The following DFFB variants were observed in gnomAD, a reference collection of about 807,000 sequenced individuals.
DFFB encodes DNA fragmentation factor subunit beta.
A neutral mutation model predicts 32.7 loss-of-function variants in DFFB; 29 were observed. The observed-to-expected ratio is 0.89, with a 90% confidence interval of 0.66 to 1.21. The LOEUF (loss-of-function observed/expected upper bound fraction) is 1.21, where lower values mean the gene tolerates loss of function less well. Among genes scored for constraint, DFFB ranks in the 50% most tolerant of loss-of-function variants. The pLI is 0.00. For synonymous variants in DFFB, 170 were observed against 177.1 expected (o/e 0.96, Z 0.32); for missense variants, 398 against 440.6 (o/e 0.90, Z 0.87).
Position 3,883,495 on chromosome 1 carries a change from C to T in DFFB, c.783-12C>T, listed in dbSNP as rs1638235661. The stretch of plus-strand genomic sequence containing the variant: ...GACCACAGAAAATGATGTCTCTAAC[C>T]TTACTTTGCAGAATAGAAAAGAAAC... On this transcript the variant is annotated splice_polypyrimidine_tract_variant and intron_variant, in intron 6 of 6. Transcript: ENST00000378209. The T allele has an allele frequency of 6.2e-7, 1 of 1,612,442 alleles. No individual in the cohort carries two copies. Among genetic ancestry groups the T allele is most frequent in the Non-Finnish European group, 8.5e-7 (1 of 1,179,144 alleles).
Position 3,858,751 on chromosome 1 carries a change from G to T in DFFB, c.148G>T (p.Glu50Ter), listed in dbSNP as rs1254016494. ...GCGCGGTTCCCGGCTGTGCCTGTAC[G>T]AGGATGGCACGGAGCTGACGGAAGA... is the stretch of plus-strand genomic sequence containing the variant. Reference protein sequence around the residue: ...PERGSRLCLYEDGTELTEDYF... With the variant: ...PERGSRLCLY Residue 50 changes from glutamate to a stop codon, truncating the protein, a stop_gained, in exon 2 of 7, where the codon GAG becomes TAG. Transcript: ENST00000378209. LOFTEE classifies it high-confidence loss of function. The T allele has an allele frequency of 6.2e-7, 1 of 1,614,178 alleles. No homozygotes were observed. Among genetic ancestry groups the T allele is most frequent in the Non-Finnish European group, 8.5e-7 (1 of 1,180,050 alleles).
In DFFB at chr1:3,857,704, G is replaced by A. The variant is rs746282047; in HGVS notation, c.101G>A (p.Cys34Tyr). ...RSCQEVLRKG[C>Y]LRFQLPERGS... is the part of the protein sequence containing the mutation. ...TGCCAGGAGGTGCTGCGCAAGGGCT[G>A]TCTCCGCTTCCAGGTGCCCGCTGGG... The change falls in exon 1 of 7, where the codon TGT (cysteine) becomes TAT (tyrosine). Residue 34 changes from cysteine (C) to tyrosine (Y), a missense_variant. Coordinates refer to ENST00000378209, the MANE Select transcript of DFFB (RefSeq NM_004402.4). The A allele has an allele frequency of 6.5e-7, 1 of 1,548,450 alleles. No homozygotes were observed. The highest frequency in any genetic ancestry group is 2.0e-5 in the Admixed American group (1 of 51,164).
chr1:3,883,738 G>A lies in DFFB; in HGVS notation c.1014G>A (p.Gln338=). Reference sequence around the variant, plus strand: ...GGAAGCAGCCTGTGCGGAAACGCCAGTGACACGTACACACCACGTCCTGGT... The same window carrying A: ...GGAAGCAGCCTGTGCGGAAACGCCAATGACACGTACACACCACGTCCTGGT... ...LKRKQPVRKR[Q] is the part of the protein sequence containing the mutation. The change falls in exon 7 of 7, where the codon CAG becomes CAA. Residue 338 remains glutamine, a synonymous_variant. Transcript: ENST00000378209. 1 of 1,613,826 alleles carries A rather than the reference G, an allele frequency of 6.2e-7. No individual in the cohort carries two copies. Among genetic ancestry groups the A allele is most frequent in the Non-Finnish European group, 8.5e-7 (1 of 1,179,772 alleles).
At chr1:3,867,870 A>G (rs905281988) in intron 3 of DFFB, 104 bp from the exon 4 acceptor site, 16 of 946,178 alleles carry the variant, frequency 1.7e-5, no homozygotes, top group African/African-American at 3.2e-5. Flanking sequence ...AAGCAGTATG[A>G]CCCTCATATT....
In DFFB at chr1:3,884,008, C is replaced by T. The variant is rs140704651; in HGVS notation, c.*267C>T. Reference sequence around the variant, plus strand: ...GTGGCGCGATCTCGGCTCAGCCTCCCGAGTAGCTGGGATTACAGGCATGTG... The same window carrying T: ...GTGGCGCGATCTCGGCTCAGCCTCCTGAGTAGCTGGGATTACAGGCATGTG... On this transcript the variant is annotated 3_prime_UTR_variant, in exon 7 of 7. Transcript: ENST00000378209. 2.0e-3 allele frequency: 860 copies of T among 424,890 alleles called. 3 individuals carry two copies. The highest frequency in any genetic ancestry group is 0.016 in the African/African-American group (797 of 50,184). 26.3% of individuals were successfully genotyped at this position (424,890 alleles called of 1,614,324 possible).
At position 3,869,614 on chromosome 1, in the gene DFFB, T is replaced by C. The variant is rs1645069251; in HGVS notation, c.520T>C (p.Tyr174His). 1.2e-6 allele frequency: 2 copies of C among 1,610,620 alleles called. No homozygotes were observed. The highest frequency in any genetic ancestry group is 1.3e-5 in the African/African-American group (1 of 74,818). ...IRSYLREVSS[Y>H]PSTVGAEAQE... ...TCCTTGGTTCCTCCAGGTGAGCTCC[T>C]ACCCCTCCACGGTGGGTGCGGAGGC... Residue 174 changes from tyrosine to histidine, a missense_variant, in exon 5 of 7, where the codon TAC becomes CAC. Transcript: ENST00000378209.
In DFFB at chr1:3,857,705, T is replaced by C. The variant is rs1467477485; in HGVS notation, c.102T>C (p.Cys34=). 1 of 1,547,164 alleles carries C rather than the reference T, an allele frequency of 6.5e-7. No homozygotes were observed. ...RSCQEVLRKG[C]LRFQLPERGS... ...GCCAGGAGGTGCTGCGCAAGGGCTG[T>C]CTCCGCTTCCAGGTGCCCGCTGGGC... is the stretch of plus-strand genomic sequence containing the variant. Residue 34 remains cysteine, a synonymous_variant, in exon 1 of 7, where the codon TGT becomes TGC. Coordinates refer to ENST00000378209, the MANE Select transcript of DFFB (RefSeq NM_004402.4).
At chr1:3,859,363 C>T (rs1407244587) in intron 2 of DFFB, among the ~76,000 whole-genome samples, 2 of 152,178 alleles carry the variant, frequency 1.3e-5, no homozygotes, top group African/African-American at 4.8e-5. Flanking sequence ...TGTATTGAAG[C>T]CTCAGGACAC....
intron 5 of DFFB, among the ~76,000 whole-genome samples, chr1:3,871,867 A>T (rs1645119227): frequency 6.6e-6 from 1 of 152,172 alleles, no homozygotes; most frequent in Admixed American, 6.5e-5. Context: ...GAGCAGGCAC[A>T]TCTCACGTGC....
intron 1 of DFFB, 118 bp from the exon 2 acceptor site, chr1:3,858,600 C>G (rs1010830743): frequency 7.7e-6 from 10 of 1,301,272 alleles, no homozygotes; most frequent in Non-Finnish European, 1.1e-5. Flanking sequence ...GGCATACAGG[C>G]GGCAGCCTGA....
chr1:3,873,582 C>T (rs1017951249), intron 6 of DFFB, among the ~76,000 whole-genome samples: 9 of 151,542 alleles, frequency 5.9e-5, no homozygotes, highest in East Asian at 1.9e-4. Flanking sequence ...CGGGTTCAAG[C>T]GATTCTCCTA....
intron 6 of DFFB, among the ~76,000 whole-genome samples, chr1:3,874,980 C>T (rs1429512748): frequency 3.3e-5 from 5 of 151,968 alleles, no homozygotes; most frequent in African/African-American, 9.7e-5. Flanking sequence ...TCTGCAGAGC[C>T]GTGTAGCTGC....
At chr1:3,872,431 A>C in intron 5 of DFFB, 41 bp from the exon 6 acceptor site, 45 of 1,390,598 alleles carry the variant, frequency 3.2e-5, no homozygotes, top group Non-Finnish European at 4.2e-5. Context: ...AAAAAAAGAG[A>C]CTCACTTTCT....
At chr1:3,871,157 G>A (rs1000436074) in intron 5 of DFFB, among the ~76,000 whole-genome samples, 1 of 151,668 alleles carries the variant, frequency 6.6e-6, no homozygotes, top group African/African-American at 2.4e-5. Context: ...CACTTCCCAT[G>A]AGGTGGGGGT....
chr1:3,868,161 C>CACGCAAGCACGGAGT, intron 4 of DFFB, 108 bp downstream of exon 4: 1 of 974,398 alleles, frequency 1.0e-6, no homozygotes, highest in Non-Finnish European at 1.7e-6. Flanking sequence ...GACCACACTC[C>CACGCAAGCACGGAGT]GTGCTTGCGT....
chr1:3,877,742 G>A (rs567158286), intron 6 of DFFB, among the ~76,000 whole-genome samples: 2 of 152,300 alleles, frequency 1.3e-5, no homozygotes, highest in African/African-American at 2.4e-5. Flanking sequence ...TCAGTGTCTT[G>A]TGTTCCTGCC....
chr1:3,861,546 C>T (rs558648631), intron 2 of DFFB, among the ~76,000 whole-genome samples: 141 of 152,202 alleles, frequency 9.3e-4, no homozygotes, highest in African/African-American at 2.4e-3. Flanking sequence ...CTCCTACCTC[C>T]GCCCCTGAGT....
rs770918230 is a variant in DFFB at position 3,865,743 on chromosome 1, C to G, written c.242-69C>G. ...ATGGGGGAAGATGTGGTCAGAGGCT[C>G]TTCTTGTGACCGGGGCAGGATGTGT... On this transcript the variant is annotated intron_variant, in intron 2 of 6. Coordinates refer to ENST00000378209, the MANE Select transcript of DFFB (RefSeq NM_004402.4). This position sits in a 1 kb window ranked among gnomAD's most constrained non-coding sequence, Gnocchi z 4.7. 73 of 1,612,926 alleles carry G rather than the reference C, an allele frequency of 4.5e-5. No individual in the cohort carries two copies. Among genetic ancestry groups the G allele is most frequent in the Non-Finnish European group, 5.9e-5 (70 of 1,179,084 alleles).
chr1:3,884,333 A>G lies in DFFB; in HGVS notation c.*592A>G, dbSNP rs1638295622. ...AATTCTTCTGTTCTCTGGTTTCACC[A>G]GCGTTGGGTTTGCTCATGTAATGTG... On this transcript the variant is annotated 3_prime_UTR_variant, in exon 7 of 7. Transcript: ENST00000378209. 1 of 154,566 alleles carries G rather than the reference A, an allele frequency of 6.5e-6. No homozygotes were observed. Among genetic ancestry groups the G allele is most frequent in the Non-Finnish European group, 1.4e-5 (1 of 69,574 alleles). The allele number at this position is 154,566 out of a possible 1,614,324, so 9.6% of individuals were successfully genotyped here.
Sources: gnomAD v4.1 joint callset for allele counts (sites outside exome capture counted in the v4.1 genomes callset) on GRCh38, gnomAD v4.1.1 for gene constraint, Gnocchi (gnomAD v3.1) non-coding constraint, MANE v1.5 for transcripts, NCBI Gene and HGNC (gene_info 2026-07-23, HGNC 2026-07-21) for gene names.